SLC44A5: variants seen among roughly 807,000 people sequenced by gnomAD.
The protein encoded by SLC44A5 is choline transporter-like protein 5.
In SLC44A5, 57 loss-of-function variants were observed where a neutral mutation model predicts 101.8. That is an observed-to-expected ratio of 0.56 (90% CI 0.45 to 0.70). SLC44A5 has a LOEUF of 0.70. Among genes scored for constraint, SLC44A5 ranks in the 30% least tolerant of loss-of-function variants. SLC44A5 has a pLI of 0.00. For missense variants in SLC44A5, 737 were observed against 853.1 expected, an observed-to-expected ratio of 0.86 and a Z score of 1.70; for synonymous variants, 281 against 290.9, an observed-to-expected ratio of 0.97 and a Z score of 0.35.
At chr1:75,483,816 G>A (rs1029884373) in intron 2 of SLC44A5, among the ~76,000 whole-genome samples, 1 of 152,142 alleles carries the variant, frequency 6.6e-6, no homozygotes, top group African/African-American at 2.4e-5. Context: ...GTTCCATATG[G>A]CTGGGGAGGC....
rs374226011 is a variant in SLC44A5 at position 75,481,591 on chromosome 1, G to A, written c.13+59844C>T. Among the ~76,000 whole-genome samples, 48 of 151,986 alleles carry A rather than the reference G, an allele frequency of 3.2e-4. No homozygotes were observed. In the East Asian group the frequency reaches 5.5e-3, roughly 17 times the overall value. ...CAAACGACCCCATCAAAAGGTGGGC[G>A]AAGGACATGAACAGACACTTCTCAA... On this transcript the variant is annotated intron_variant, in intron 2 of 23. Transcript: ENST00000370859.
chr1:75,400,671 T>C (rs1662420517), intron 2 of SLC44A5, among the ~76,000 whole-genome samples: 1 of 152,174 alleles, frequency 6.6e-6, no homozygotes, highest in African/African-American at 2.4e-5. Context: ...TCTGCCTTAG[T>C]TGCTTTGCCC....
In SLC44A5 at chr1:75,203,569, AG is replaced by A; in HGVS notation, c.*157del. On this transcript the variant is annotated 3_prime_UTR_variant, in exon 24 of 24. Coordinates refer to ENST00000370859, the MANE Select transcript of SLC44A5 (RefSeq NM_001130058.2). ...CTTGCGACTTCTGATGGCTTCACAT[AG>A]TACAGTATAAGCTTTGGTATAAAAC... 3 of 680,942 alleles carry A rather than the reference AG, an allele frequency of 4.4e-6. No individual in the cohort carries two copies. Among genetic ancestry groups the A allele is most frequent in the Non-Finnish European group, 6.7e-6 (3 of 449,238 alleles). The allele number at this position is 680,942 out of a possible 1,614,324, so 42.2% of individuals were successfully genotyped here. A position where few individuals can be genotyped will look rare whatever the true frequency, so the allele number is the denominator to read the frequency against.
chr1:75,395,566 T>C (rs1570128958), intron 3 of SLC44A5, among the ~76,000 whole-genome samples: 1 of 152,110 alleles, frequency 6.6e-6, no homozygotes, highest in African/African-American at 2.4e-5. Flanking sequence ...AGCATCTAAG[T>C]AGGTAAAATT....
chr1:75,595,288 C>T (rs1391551570), intron 1 of SLC44A5, among the ~76,000 whole-genome samples: 1 of 152,064 alleles, frequency 6.6e-6, no homozygotes, highest in Non-Finnish European at 1.5e-5. Flanking sequence ...CAGCTTTTCA[C>T]ACTTTATTCA....
At chr1:75,641,214 T>C in the SLC44A5 span, 1 of 306,648 alleles carries the variant, frequency 3.3e-6, no homozygotes, top group African/African-American at 2.2e-5. Context: ...AAATATTTTA[T>C]TATATTTGAA....
intron 3 of SLC44A5, among the ~76,000 whole-genome samples, chr1:75,367,534 A>C (rs1367040936): frequency 6.6e-6 from 1 of 152,160 alleles, no homozygotes; most frequent in African/African-American, 2.4e-5. Flanking sequence ...CTCCTGGATC[A>C]TGGCTCAGAG....
At chr1:75,654,035 G>A in the SLC44A5 span, among the ~76,000 whole-genome samples, 1 of 152,124 alleles carries the variant, frequency 6.6e-6, no homozygotes, top group South Asian at 2.1e-4. Context: ...ATTTAGAAAT[G>A]GATAGCATTC....
the SLC44A5 span, among the ~76,000 whole-genome samples, chr1:75,716,824 G>C: frequency 6.6e-6 from 1 of 152,044 alleles, no homozygotes; most frequent in East Asian, 2.0e-4. Context: ...CTGAGCTCAG[G>C]AGTTCAAGAC....
At chr1:75,703,877 A>G in the SLC44A5 span, among the ~76,000 whole-genome samples, 2 of 152,026 alleles carry the variant, frequency 1.3e-5, no homozygotes, top group African/African-American at 2.4e-5. Context: ...TTAGCAAAAT[A>G]AAGGAATCAA....
chr1:75,426,370 G>T (rs781746834), intron 2 of SLC44A5, among the ~76,000 whole-genome samples: 5 of 152,156 alleles, frequency 3.3e-5, no homozygotes, highest in Non-Finnish European at 7.3e-5. Context: ...TGCTGAAATT[G>T]GCAGTGAGTC....
chr1:75,610,741 G>A lies in SLC44A5; in HGVS notation c.-70+299C>T, dbSNP rs1675610473. Among the ~76,000 whole-genome samples, 4 of 152,112 alleles carry A rather than the reference G, an allele frequency of 2.6e-5. No homozygotes were observed. In the South Asian group the frequency reaches 8.3e-4, roughly 32 times the overall value. On this transcript the variant is annotated intron_variant, in intron 1 of 23. Transcript: ENST00000370859. ...GATATTTTGGTGAATATTAAGAGAA[G>A]ATACATAAGTGTAACTGGACTTTTT...
the SLC44A5 span, among the ~76,000 whole-genome samples, chr1:75,690,601 C>G: frequency 2.6e-5 from 4 of 152,142 alleles, no homozygotes; most frequent in African/African-American, 7.2e-5. Context: ...CCTGAAAAAC[C>G]ATAGTGTTGG....
At chr1:75,367,811 C>G (rs1659961296) in intron 3 of SLC44A5, among the ~76,000 whole-genome samples, 1 of 152,226 alleles carries the variant, frequency 6.6e-6, no homozygotes, top group Non-Finnish European at 1.5e-5. Flanking sequence ...GTCTTAGGGT[C>G]TACCAGAGCT....
At chr1:75,677,607 A>G in the SLC44A5 span, 1 of 302,032 alleles carries the variant, frequency 3.3e-6, no homozygotes, top group Non-Finnish European at 6.4e-6. Context: ...AACTAATAAC[A>G]AAATGGTAGG....
intron 1 of SLC44A5, among the ~76,000 whole-genome samples, chr1:75,604,412 G>A (rs1675197815): frequency 6.6e-6 from 1 of 152,202 alleles, no homozygotes; most frequent in African/African-American, 2.4e-5. Context: ...TTTGCTTACT[G>A]TAGCCTTACA....
the SLC44A5 span, among the ~76,000 whole-genome samples, chr1:75,646,659 C>T: frequency 5.9e-5 from 9 of 152,146 alleles, no homozygotes; most frequent in East Asian, 1.9e-4. Flanking sequence ...AGAGTTCTCA[C>T]GAGATCTGAT....
chr1:75,678,519 C>T, the SLC44A5 span, among the ~76,000 whole-genome samples: 1 of 150,438 alleles, frequency 6.6e-6, no homozygotes, highest in Admixed American at 6.6e-5. Context: ...CCTCACACTG[C>T]AGGGTACTCC....
At chr1:75,218,445 A>C (rs745316048) in intron 17 of SLC44A5, 45 bp downstream of exon 17, 1 of 1,605,468 alleles carries the variant, frequency 6.2e-7, no homozygotes, top group South Asian at 1.1e-5. Context: ...CAAGCACACT[A>C]AATGTAACTG....
Sources: gnomAD v4.1 joint callset for allele counts (sites outside exome capture counted in the v4.1 genomes callset) on GRCh38, gnomAD v4.1.1 for gene constraint, MANE v1.5 for transcripts, NCBI Gene and HGNC (gene_info 2026-07-23, HGNC 2026-07-21) for gene names.